The following ATP11A variants were observed in gnomAD, a reference collection of about 807,000 sequenced individuals.
The protein encoded by ATP11A is phospholipid-transporting ATPase IH.
Under a neutral mutation model 154.4 loss-of-function variants are expected in ATP11A, and 81 were observed. The ratio of observed to expected loss-of-function variants is 0.52; its 90% CI spans 0.44 to 0.63. The LOEUF is 0.63. Ranked by LOEUF, ATP11A falls within the 30% of genes least tolerant of loss-of-function variation. The pLI is 0.00. For synonymous variants in ATP11A, 623 were observed against 585.9 expected, an observed-to-expected ratio of 1.06 and a Z score of -0.91; for missense variants, 1,316 against 1,474.3, an observed-to-expected ratio of 0.89 and a Z score of 1.76.
chr13:112,882,232 A>C lies in ATP11A; in HGVS notation c.*366A>C. On this transcript the variant is annotated 3_prime_UTR_variant, in exon 30 of 30. Coordinates refer to ENST00000375645, the MANE Select transcript of ATP11A (RefSeq NM_015205.3). This position sits in a 1 kb window ranked among gnomAD's most constrained non-coding sequence, Gnocchi z 5.1. ...GGCCTCTGGGCATTCGGCTCAACGC[A>C]GGAGGGACATTCTGCTGGCCCACCC... The C allele has an allele frequency of 1.2e-6, 1 of 849,816 alleles. No individual in the cohort carries two copies. Among genetic ancestry groups the C allele is most frequent in the Non-Finnish European group, 1.6e-6 (1 of 610,744 alleles). The allele number at this position is 849,816 out of a possible 1,614,324, so 52.6% of individuals were successfully genotyped here.
intron 20 of ATP11A, chr13:112,856,384 A>C: frequency 5.1e-6 from 1 of 195,678 alleles, no homozygotes; most frequent in South Asian, 1.5e-4. Flanking sequence ...ATCACTCCTG[A>C]GAATCTACAC....
chr13:112,869,014 A>G (rs1170998407), intron 25 of ATP11A, among the ~76,000 whole-genome samples: 1 of 152,048 alleles, frequency 6.6e-6, no homozygotes, highest in African/African-American at 2.4e-5. Context: ...GAGGACGTCC[A>G]TGATTCAGTC....
chr13:112,772,560 A>T (rs965295269), intron 1 of ATP11A, among the ~76,000 whole-genome samples: 8 of 81,548 alleles, frequency 9.8e-5, no homozygotes, highest in African/African-American at 2.5e-4. Flanking sequence ...GCCCAGTACC[A>T]GGCCCTCCCA....
In ATP11A at chr13:112,886,315, C is replaced by G. The variant is rs921336394; in HGVS notation, c.*4449C>G. On this transcript the variant is annotated 3_prime_UTR_variant, in exon 30 of 30. Coordinates refer to ENST00000375645, the MANE Select transcript of ATP11A (RefSeq NM_015205.3). ...GCCTTGGCCAGGGGTCCGGTGCTGT[C>G]GCGGGAAACCTCCAGCCTTGTTCTT... 2.6e-5 allele frequency: 4 copies of G among 152,230 alleles called. No homozygotes were observed. Among genetic ancestry groups the G allele is most frequent in the Non-Finnish European group, 5.9e-5 (4 of 68,048 alleles). The allele number at this position is 152,230 out of a possible 1,614,324, so 9.4% of individuals were successfully genotyped here.
intron 29 of ATP11A, 80 bp from the exon 30 acceptor site, chr13:112,881,796 G>A (rs1331262550): frequency 1.5e-6 from 2 of 1,365,414 alleles, no homozygotes; most frequent in South Asian, 2.3e-5. Flanking sequence ...GACTGACCAT[G>A]TGTCTCGTTC....
chr13:112,819,043 G>A (rs948221827), intron 6 of ATP11A, among the ~76,000 whole-genome samples: 2 of 152,248 alleles, frequency 1.3e-5, no homozygotes, highest in African/African-American at 2.4e-5. Flanking sequence ...ATAAATCAGT[G>A]TCTACCCTTG....
At chr13:112,748,962 A>G (rs2076624171) in intron 1 of ATP11A, among the ~76,000 whole-genome samples, 2 of 152,212 alleles carry the variant, frequency 1.3e-5, no homozygotes, top group Non-Finnish European at 2.9e-5. Flanking sequence ...CCTCTTCCAC[A>G]TCACGGAGCA....
intron 17 of ATP11A, among the ~76,000 whole-genome samples, chr13:112,846,326 T>C (rs897864682): frequency 2.0e-5 from 3 of 152,174 alleles, no homozygotes; most frequent in African/African-American, 7.2e-5. Flanking sequence ...GCTTTTCCCT[T>C]TAAGGTTTTC....
intron 27 of ATP11A, among the ~76,000 whole-genome samples, chr13:112,874,204 G>T (rs1171463944): frequency 1.3e-5 from 2 of 152,196 alleles, no homozygotes; most frequent in African/African-American, 2.4e-5. Flanking sequence ...CCTCTGGTTT[G>T]GGGGAGAGCA....
chr13:112,783,298 T>C (rs1265826679), intron 1 of ATP11A, among the ~76,000 whole-genome samples: 1 of 152,136 alleles, frequency 6.6e-6, no homozygotes, highest in African/African-American at 2.4e-5. Flanking sequence ...CTTTTTTGGC[T>C]TTAAAAAACG....
In ATP11A at chr13:112,849,357, A is replaced by G. The variant is rs530690202; in HGVS notation, c.1810-1680A>G. Among the ~76,000 whole-genome samples, 5 of 152,316 alleles carry G rather than the reference A, an allele frequency of 3.3e-5. No individual in the cohort carries two copies. In the East Asian group the frequency reaches 9.6e-4, roughly 29 times the overall value. On this transcript the variant is annotated intron_variant, in intron 17 of 29. Coordinates refer to ENST00000375645, the MANE Select transcript of ATP11A (RefSeq NM_015205.3). Reference sequence around the variant, plus strand: ...TGTGTCCAGGGTTTTCGTAGTACTTAGCAGGAGGAATAGAGAAAAGTATTT... The same window carrying G: ...TGTGTCCAGGGTTTTCGTAGTACTTGGCAGGAGGAATAGAGAAAAGTATTT...
chr13:112,766,019 C>T (rs886836940), intron 1 of ATP11A, among the ~76,000 whole-genome samples: 10 of 152,172 alleles, frequency 6.6e-5, no homozygotes, highest in African/African-American at 1.9e-4. Context: ...GGGATACGGT[C>T]GGGGGCGGAT....
At chr13:112,701,131 A>C (rs987571876) in intron 1 of ATP11A, among the ~76,000 whole-genome samples, 3 of 152,148 alleles carry the variant, frequency 2.0e-5, no homozygotes, top group Admixed American at 6.5e-5. Flanking sequence ...ATACACAGAA[A>C]TTCGAGTCCG....
intron 1 of ATP11A, among the ~76,000 whole-genome samples, chr13:112,771,729 C>A (rs1241658718): frequency 1.3e-5 from 2 of 152,216 alleles, no homozygotes; most frequent in African/African-American, 2.4e-5. Flanking sequence ...GTAGTCCCAG[C>A]CGCGGGCACA....
intron 1 of ATP11A, among the ~76,000 whole-genome samples, chr13:112,702,055 C>CT (rs1886613055): frequency 6.6e-6 from 1 of 151,310 alleles, no homozygotes; most frequent in South Asian, 2.1e-4. Context: ...CAAAAACACT[C>CT]TTAAGTACAG....
At chr13:112,701,064 G>C (rs1032716245) in intron 1 of ATP11A, among the ~76,000 whole-genome samples, 2 of 152,198 alleles carry the variant, frequency 1.3e-5, no homozygotes, top group Admixed American at 6.5e-5. Flanking sequence ...GAGGACGTTG[G>C]GGGGCAGGAG....
At chr13:112,825,400 C>T (rs745884146) in intron 10 of ATP11A, 30 bp from the exon 11 acceptor site, 131 of 1,576,982 alleles carry the variant, frequency 8.3e-5, no homozygotes, top group Non-Finnish European at 1.1e-4. Flanking sequence ...TCCTCAGGGA[C>T]CAGTGATCAC....
In ATP11A at chr13:112,884,870, C is replaced by A. The variant is rs1566615878; in HGVS notation, c.*3004C>A. The A allele has an allele frequency of 6.6e-6, 1 of 151,376 alleles. No homozygotes were observed. The allele number at this position is 151,376 out of a possible 1,614,324, so 9.4% of individuals were successfully genotyped here. A position where few individuals can be genotyped will look rare whatever the true frequency, so the allele number is the denominator to read the frequency against. On this transcript the variant is annotated 3_prime_UTR_variant, in exon 30 of 30. Transcript: ENST00000375645. ...CCTGCTGCATGATTCACACCCAGTC[C>A]CTGCCACAGACCGTCTCAGACACGC...
chr13:112,883,202 G>A lies in ATP11A; in HGVS notation c.*1336G>A, dbSNP rs1031505975. ...ATGTCCCCACGCAGGGCTCTCCTTC[G>A]TCTTAGGATCTGTCCAGCGCTGCTC... is the stretch of plus-strand genomic sequence containing the variant. On this transcript the variant is annotated 3_prime_UTR_variant, in exon 30 of 30. Coordinates refer to ENST00000375645, the MANE Select transcript of ATP11A (RefSeq NM_015205.3). 7 of 398,514 alleles carry A rather than the reference G, an allele frequency of 1.8e-5. No individual in the cohort carries two copies. The highest frequency in any genetic ancestry group is 6.2e-5 in the African/African-American group (3 of 48,500). 24.7% of individuals were successfully genotyped at this position (398,514 alleles called of 1,614,324 possible).
Sources: gnomAD v4.1 joint callset for allele counts (sites outside exome capture counted in the v4.1 genomes callset) on GRCh38, gnomAD v4.1.1 for gene constraint, Gnocchi (gnomAD v3.1) non-coding constraint, MANE v1.5 for transcripts, NCBI Gene and HGNC (gene_info 2026-07-23, HGNC 2026-07-21) for gene names.